ERGIC1: variants seen among roughly 807,000 people sequenced by gnomAD.
ERGIC1 encodes endoplasmic reticulum-golgi intermediate compartment 1.
Under a neutral mutation model 38.3 loss-of-function variants are expected in ERGIC1, and 19 were observed. The observed-to-expected ratio is 0.50, with a 90% CI of 0.35 to 0.73. The LOEUF is 0.73. Ranked by LOEUF, ERGIC1 falls within the 30% of genes least tolerant of loss-of-function variation. The pLI, the probability that ERGIC1 is intolerant of heterozygous loss-of-function variation, is 0.01. For missense variants in ERGIC1, 294 were observed against 389.2 expected (o/e 0.76, Z 2.06); for synonymous variants, 124 against 157.6 (o/e 0.79, Z 1.60).
intron 1 of ERGIC1, among the ~76,000 whole-genome samples, chr5:172,850,223 G>A (rs900605957): frequency 1.3e-5 from 2 of 152,228 alleles, no homozygotes; most frequent in Non-Finnish European, 2.9e-5. Context: ...CACACTTGAA[G>A]CCAGGTGATT....
intron 1 of ERGIC1, among the ~76,000 whole-genome samples, chr5:172,882,093 G>C (rs116720694): frequency 6.6e-6 from 1 of 152,334 alleles, no homozygotes; most frequent in African/African-American, 2.4e-5. Flanking sequence ...CTTGTGGTCA[G>C]TTCTGAAACT....
At chr5:172,908,079 C>G (rs572539250) in intron 3 of ERGIC1, among the ~76,000 whole-genome samples, 1 of 151,600 alleles carries the variant, frequency 6.6e-6, no homozygotes, top group Non-Finnish European at 1.5e-5. Flanking sequence ...ACCCCCTGCC[C>G]CCTGTGATGT....
chr5:172,914,249 A>ATAAAAT (rs1386612871), intron 4 of ERGIC1, among the ~76,000 whole-genome samples: 2 of 138,744 alleles, frequency 1.4e-5, no homozygotes, highest in Non-Finnish European at 1.6e-5. Flanking sequence ...AAAAAAAAAA[A>ATAAAAT]AAAAAAAATA....
intron 1 of ERGIC1, among the ~76,000 whole-genome samples, chr5:172,881,122 C>A (rs1762271742): frequency 6.6e-6 from 1 of 152,150 alleles, no homozygotes; most frequent in Non-Finnish European, 1.5e-5. Context: ...TGGCACATGC[C>A]TGTAATCCCA....
chr5:172,907,282 G>T (rs1763056170), intron 3 of ERGIC1, among the ~76,000 whole-genome samples: 1 of 152,226 alleles, frequency 6.6e-6, no homozygotes, highest in Non-Finnish European at 1.5e-5. Flanking sequence ...CCTCGGCCAG[G>T]CACGGTGGCT....
intron 2 of ERGIC1, among the ~76,000 whole-genome samples, chr5:172,891,934 A>G (rs907356443): frequency 1.9e-4 from 29 of 152,222 alleles, no homozygotes; most frequent in African/African-American, 7.0e-4. Context: ...GCCTGTGGCC[A>G]GCCCCTGAGG....
chr5:172,848,785 A>G (rs1761338275), intron 1 of ERGIC1, among the ~76,000 whole-genome samples: 1 of 152,238 alleles, frequency 6.6e-6, no homozygotes, highest in Non-Finnish European at 1.5e-5. Context: ...TCACCTCCGC[A>G]AGAATGGAGG....
chr5:172,839,924 C>G lies in ERGIC1; in HGVS notation c.20+5491C>G, dbSNP rs1428863804. Among the ~76,000 whole-genome samples the G allele has an allele frequency of 1.1e-4, 16 of 152,226 alleles. 1 individual carries two copies. Among genetic ancestry groups the G allele is most frequent in the Admixed American group, 1.0e-3 (16 of 15,282 alleles). ...TCCACTGTGTCCTGTAGGCTCATCT[C>G]TAAAGCTTTCTCTTTTCCATTCACT... On this transcript the variant is annotated intron_variant, in intron 1 of 9. Coordinates refer to ENST00000393784, the MANE Select transcript of ERGIC1 (RefSeq NM_001031711.3).
chr5:172,919,394 G>A (rs571818145), intron 5 of ERGIC1, among the ~76,000 whole-genome samples: 4 of 152,328 alleles, frequency 2.6e-5, no homozygotes, highest in East Asian at 1.9e-4. Context: ...AGAAGGGATC[G>A]TGCTTATTCA....
At chr5:172,918,379 A>G (rs558094290) in intron 5 of ERGIC1, 2 of 152,328 alleles carry the variant, frequency 1.3e-5, no homozygotes, top group African/African-American at 4.8e-5. Flanking sequence ...GTGGCACCAA[A>G]AGCCTTAAGA....
Position 172,926,505 on chromosome 5 carries a change from A to G in ERGIC1, c.481-4A>G. ...GACCATCCCCTCACTGCATTTTTCCACAGGTCCAGAACATCCACGGAGCTT... is the reference window on the plus strand; with the variant it reads ...GACCATCCCCTCACTGCATTTTTCCGCAGGTCCAGAACATCCACGGAGCTT... On this transcript the variant is annotated splice_region_variant and splice_polypyrimidine_tract_variant and intron_variant, in intron 6 of 9. Coordinates refer to ENST00000393784, the MANE Select transcript of ERGIC1 (RefSeq NM_001031711.3). This position sits in a 1 kb window ranked among gnomAD's most constrained non-coding sequence, Gnocchi z 5.2. The G allele has an allele frequency of 1.2e-6, 2 of 1,613,202 alleles. No homozygotes were observed. Among genetic ancestry groups the G allele is most frequent in the Non-Finnish European group, 1.7e-6 (2 of 1,179,906 alleles).
At chr5:172,856,078 G>A (rs1761541817) in intron 1 of ERGIC1, among the ~76,000 whole-genome samples, 1 of 152,186 alleles carries the variant, frequency 6.6e-6, no homozygotes, top group South Asian at 2.1e-4. Flanking sequence ...CTCAGTGTAT[G>A]GTCTCTTGGC....
Position 172,950,850 on chromosome 5 carries a change from G to A in ERGIC1, c.*34G>A, listed in dbSNP as rs773551028. 1.9e-6 allele frequency: 3 copies of A among 1,572,050 alleles called. No individual in the cohort carries two copies. Among genetic ancestry groups the A allele is most frequent in the Non-Finnish European group, 2.6e-6 (3 of 1,149,932 alleles). On this transcript the variant is annotated 3_prime_UTR_variant, in exon 10 of 10. Coordinates refer to ENST00000393784, the MANE Select transcript of ERGIC1 (RefSeq NM_001031711.3). ...CCAGCCTAATGGCCGAGGACCCTGG[G>A]CATCGCCAGCCTTGCCTCCAGTGCC...
chr5:172,864,751 C>G (rs1761808690), intron 1 of ERGIC1, among the ~76,000 whole-genome samples: 1 of 150,772 alleles, frequency 6.6e-6, no homozygotes, highest in South Asian at 2.1e-4. Context: ...GTCCCCCCCC[C>G]TTTTTTTTTG....
At chr5:172,914,141 A>G (rs2113402764) in intron 4 of ERGIC1, among the ~76,000 whole-genome samples, 1 of 149,396 alleles carries the variant, frequency 6.7e-6, no homozygotes, top group African/African-American at 2.5e-5. Context: ...AGGCTGAGGC[A>G]GGAGAATTGC....
chr5:172,873,106 A>G (rs537564943), intron 1 of ERGIC1, among the ~76,000 whole-genome samples: 1 of 152,382 alleles, frequency 6.6e-6, no homozygotes, highest in East Asian at 1.9e-4. Context: ...CTCAGCGTTT[A>G]AATGCCGTCT....
At chr5:172,838,528 A>G (rs1416417265) in intron 1 of ERGIC1, among the ~76,000 whole-genome samples, 2 of 152,118 alleles carry the variant, frequency 1.3e-5, no homozygotes, top group Non-Finnish European at 2.9e-5. Flanking sequence ...AGTTGATCTG[A>G]TATTTTCATG....
rs1008285428 is a variant in ERGIC1 at position 172,834,584 on chromosome 5, C to CT, written c.20+151_20+152insT. The CT allele has an allele frequency of 2.8e-6, 2 of 714,698 alleles. No homozygotes were observed. The highest frequency in any genetic ancestry group is 3.7e-6 in the Non-Finnish European group (2 of 535,580). The allele number at this position is 714,698 out of a possible 1,614,324, so 44.3% of individuals were successfully genotyped here. A position where few individuals can be genotyped will look rare whatever the true frequency, so the allele number is the denominator to read the frequency against. On this transcript the variant is annotated intron_variant, in intron 1 of 9. Coordinates refer to ENST00000393784, the MANE Select transcript of ERGIC1 (RefSeq NM_001031711.3). The surrounding 1 kb of genome is among the most constrained non-coding windows in gnomAD (Gnocchi z 4.1). ...GCCCCTAGGGACCCCAGGCGAGCCC[C>CT]CCCCCTGCCGCACACGAAGCCAGCC...
At chr5:172,887,968 A>G (rs1417444763) in intron 1 of ERGIC1, among the ~76,000 whole-genome samples, 3 of 152,222 alleles carry the variant, frequency 2.0e-5, no homozygotes, top group Non-Finnish European at 4.4e-5. Flanking sequence ...CAGCATCGTC[A>G]CATAACTCGA....
Sources: allele counts gnomAD v4.1 joint callset (sites outside exome capture counted in the v4.1 genomes callset), GRCh38; gene constraint gnomAD v4.1.1; non-coding constraint Gnocchi (gnomAD v3.1); transcripts MANE v1.5; gene names NCBI Gene and HGNC (gene_info 2026-07-23, HGNC 2026-07-21).